Variants in NR3C2 observed in about 807,000 individuals in gnomAD.
NR3C2 encodes mineralocorticoid receptor.
Under a neutral mutation model 86.4 loss-of-function variants are expected in NR3C2, and 15 were observed. The observed-to-expected ratio is 0.17, with a 90% CI of 0.12 to 0.27. NR3C2 has a LOEUF of 0.27. Ranked by LOEUF, NR3C2 falls within the 10% of genes least tolerant of loss-of-function variation. The probability of loss-of-function intolerance (pLI) is 1.00; values close to 1 mark genes in which losing one functional copy is unlikely to be tolerated. For missense variants in NR3C2, 960 were observed against 1,195.6 expected (o/e 0.80, Z 2.91); for synonymous variants, 458 against 450.5 (o/e 1.02, Z -0.21).
intron 4 of NR3C2, among the ~76,000 whole-genome samples, chr4:148,177,574 AC>A (rs1365533456): frequency 6.6e-6 from 1 of 152,248 alleles, no homozygotes; most frequent in Non-Finnish European, 1.5e-5. Context: ...AAATAAAAAA[AC>A]ATTAAGTTAT....
chr4:148,130,990 C>T (rs1343636192), intron 6 of NR3C2, among the ~76,000 whole-genome samples: 1 of 151,920 alleles, frequency 6.6e-6, no homozygotes, highest in Non-Finnish European at 1.5e-5. Flanking sequence ...GCCACAATGC[C>T]TGGCTAATTT....
In NR3C2 at chr4:148,230,194, T is replaced by C. The variant is rs1449378994; in HGVS notation, c.1897+29784A>G. Among the ~76,000 whole-genome samples the C allele has an allele frequency of 9.2e-5, 14 of 152,264 alleles. No individual in the cohort carries two copies. In the East Asian group the frequency reaches 2.7e-3, roughly 29 times the overall value. Reference sequence around the variant, plus strand: ...AGATAAAAAGAACGCACTTTTTGTTTGTTTGTTTTTTGTTTTAGAGACAGC... The same window carrying C: ...AGATAAAAAGAACGCACTTTTTGTTCGTTTGTTTTTTGTTTTAGAGACAGC... On this transcript the variant is annotated intron_variant, in intron 3 of 8. Coordinates refer to ENST00000358102, the MANE Select transcript of NR3C2 (RefSeq NM_000901.5).
In NR3C2 at chr4:148,436,384, C is replaced by A. The variant is rs1446145434; in HGVS notation, c.477G>T (p.Thr159=). The A allele has an allele frequency of 1.2e-6, 2 of 1,614,168 alleles. No homozygotes were observed. Among genetic ancestry groups the A allele is most frequent in the Admixed American group, 1.7e-5 (1 of 60,030 alleles). Residue 159 remains threonine, a synonymous_variant, in exon 2 of 9, where the codon ACG becomes ACT. Transcript: ENST00000358102. ...HRPSTLSCVN[T]PLRSFMSDSG... ...AGTCAGACATAAATGATCTCAAGGG[C>A]GTGTTCACACAACTTAGAGTGGAAG... is the stretch of plus-strand genomic sequence containing the variant.
At chr4:148,337,323 T>C (rs929366546) in intron 2 of NR3C2, among the ~76,000 whole-genome samples, 2 of 152,234 alleles carry the variant, frequency 1.3e-5, no homozygotes, top group African/African-American at 4.8e-5. Context: ...AATAAGAAAC[T>C]ATTCAAAATG....
chr4:148,153,466 T>A (rs913176464), intron 5 of NR3C2, among the ~76,000 whole-genome samples: 1 of 152,178 alleles, frequency 6.6e-6, no homozygotes, highest in Non-Finnish European at 1.5e-5. Context: ...CATGGGCCAC[T>A]GCACCAGGCC....
intron 2 of NR3C2, among the ~76,000 whole-genome samples, chr4:148,349,904 A>G (rs1745188054): frequency 6.6e-6 from 1 of 152,170 alleles, no homozygotes; most frequent in Non-Finnish European, 1.5e-5. Context: ...CTGCAGGAAA[A>G]CATTTGGGGG....
At chr4:148,185,476 G>A (rs1578986254) in intron 4 of NR3C2, among the ~76,000 whole-genome samples, 2 of 152,312 alleles carry the variant, frequency 1.3e-5, no homozygotes, top group East Asian at 3.9e-4. Context: ...TCAAAGCAAA[G>A]AAGAATGAAG....
At chr4:148,401,383 T>C (rs1019573183) in intron 2 of NR3C2, among the ~76,000 whole-genome samples, 1 of 152,046 alleles carries the variant, frequency 6.6e-6, no homozygotes, top group African/African-American at 2.4e-5. Flanking sequence ...CCCTCAGTGC[T>C]AGAGGTGGTC....
At chr4:148,115,608 G>A (rs1732240235) in intron 7 of NR3C2, among the ~76,000 whole-genome samples, 1 of 152,096 alleles carries the variant, frequency 6.6e-6, no homozygotes, top group East Asian at 1.9e-4. Context: ...GTGCAACCCT[G>A]GAAGCCAGGC....
In NR3C2 at chr4:148,321,616, C is replaced by T. The variant is rs1356780472; in HGVS notation, c.1758-61499G>A. Among the ~76,000 whole-genome samples the T allele has an allele frequency of 2.6e-5, 4 of 152,242 alleles. No individual in the cohort carries two copies. The East Asian group carries it at 7.7e-4, about 29-fold the overall frequency. ...GTTAGCTCTTCTTGTTGAATTGATC[C>T]TTTTACCATTATGTAATGGCCTTCT... On this transcript the variant is annotated intron_variant, in intron 2 of 8. Coordinates refer to ENST00000358102, the MANE Select transcript of NR3C2 (RefSeq NM_000901.5).
intron 2 of NR3C2, among the ~76,000 whole-genome samples, chr4:148,365,625 TAAG>T (rs72317463): frequency 0.11 from 16,296 of 152,114 alleles, 1,010 homozygotes; most frequent in Middle Eastern, 0.29. Context: ...GTGTGGGAAA[TAAG>T]AAGATCCAGC....
chr4:148,290,381 A>G (rs1254417567), intron 2 of NR3C2, among the ~76,000 whole-genome samples: 1 of 152,178 alleles, frequency 6.6e-6, no homozygotes, highest in Non-Finnish European at 1.5e-5. Flanking sequence ...GAGAAGCATA[A>G]ATTCACCCCA....
chr4:148,134,595 C>A (rs1447498227), intron 6 of NR3C2, among the ~76,000 whole-genome samples: 1 of 143,316 alleles, frequency 7.0e-6, no homozygotes, highest in Non-Finnish European at 1.5e-5. Context: ...GTGTTAAGGA[C>A]AACACCTTAA....
intron 8 of NR3C2, among the ~76,000 whole-genome samples, chr4:148,092,716 C>T (rs368560197): frequency 3.3e-5 from 5 of 152,220 alleles, no homozygotes; most frequent in Non-Finnish European, 5.9e-5. Context: ...CCCTAGACTC[C>T]GGTTTCCTTC....
intron 3 of NR3C2, among the ~76,000 whole-genome samples, chr4:148,231,976 G>C (rs367849204): frequency 4.6e-5 from 7 of 152,046 alleles, no homozygotes; most frequent in Admixed American, 1.3e-4. Flanking sequence ...ACATCTTCAC[G>C]GTCCACTTCT....
At chr4:148,085,418 GAAAT>G (rs1159561215) in intron 8 of NR3C2, among the ~76,000 whole-genome samples, 4 of 152,152 alleles carry the variant, frequency 2.6e-5, no homozygotes, top group Non-Finnish European at 2.9e-5. Context: ...AATTAAGGTA[GAAAT>G]AAATAAGTTC....
In NR3C2 at chr4:148,150,532, C is replaced by T. The variant is rs141923909; in HGVS notation, c.2510+1937G>A. 2.6e-5 allele frequency among the ~76,000 whole-genome samples: 4 copies of T among 152,152 alleles called. No homozygotes were observed. In the East Asian group the frequency reaches 7.7e-4, roughly 29 times the overall value. On this transcript the variant is annotated intron_variant, in intron 6 of 8. Transcript: ENST00000358102. ...CCAGCCATCTTAAACGGTGAAATCA[C>T]CAAAAGGCATAAAAATGCAAAACAT...
chr4:148,415,350 GTATTT>G (rs1748939501), intron 2 of NR3C2, among the ~76,000 whole-genome samples: 1 of 152,108 alleles, frequency 6.6e-6, no homozygotes, highest in Non-Finnish European at 1.5e-5. Context: ...TTTTTATGTA[GTATTT>G]TTATTCTGCC....
At chr4:148,360,499 A>C (rs909677930) in intron 2 of NR3C2, among the ~76,000 whole-genome samples, 1 of 152,290 alleles carries the variant, frequency 6.6e-6, no homozygotes, top group East Asian at 1.9e-4. Context: ...CAAAACAAAC[A>C]ACTCAGCCAA....
Sources: allele counts gnomAD v4.1 joint callset (sites outside exome capture counted in the v4.1 genomes callset), GRCh38; gene constraint gnomAD v4.1.1; transcripts MANE v1.5; gene names NCBI Gene and HGNC (gene_info 2026-07-23, HGNC 2026-07-21).